CAMTA1: variants seen among roughly 807,000 people sequenced by gnomAD.
The protein encoded by CAMTA1 is calmodulin-binding transcription activator 1.
A neutral mutation model predicts 170.9 loss-of-function variants in CAMTA1; 27 were observed. The observed-to-expected ratio is 0.16, with a 90% CI of 0.12 to 0.22. The LOEUF (loss-of-function observed/expected upper bound fraction) is 0.22, where lower values mean the gene tolerates loss of function less well. CAMTA1 is among the 10% of genes least tolerant of loss of function. The pLI is 1.00. For missense variants in CAMTA1, 1,619 were observed against 2,217.2 expected (o/e 0.73, Z 5.42); for synonymous variants, 833 against 891.5 (o/e 0.93, Z 1.17).
intron 5 of CAMTA1, among the ~76,000 whole-genome samples, chr1:7,384,125 G>A (rs74967667): frequency 6.6e-6 from 1 of 152,218 alleles, no homozygotes; most frequent in Non-Finnish European, 1.5e-5. Context: ...GGCTTCTCTT[G>A]CAGGAAATAC....
At chr1:6,910,930 C>T (rs575102953) in intron 3 of CAMTA1, among the ~76,000 whole-genome samples, 21 of 152,282 alleles carry the variant, frequency 1.4e-4, no homozygotes, top group African/African-American at 2.6e-4. Flanking sequence ...ATGGAAGTGG[C>T]GGGCAAGGAG....
intron 5 of CAMTA1, among the ~76,000 whole-genome samples, chr1:7,412,142 T>A (rs1557671810): frequency 6.6e-6 from 1 of 152,240 alleles, no homozygotes; most frequent in Non-Finnish European, 1.5e-5. Flanking sequence ...CCACATTTTC[T>A]TACTCCAGTC....
chr1:7,428,876 A>T (rs1393514605), intron 5 of CAMTA1, among the ~76,000 whole-genome samples: 1 of 152,120 alleles, frequency 6.6e-6, no homozygotes, highest in East Asian at 1.9e-4. Context: ...GCACCACTGT[A>T]AGGGCTCAGT....
At chr1:7,726,464 T>TTGA (rs3034110) in intron 11 of CAMTA1, among the ~76,000 whole-genome samples, 47,648 of 151,932 alleles carry the variant, frequency 0.31, 7,598 homozygotes, top group South Asian at 0.45. Context: ...GAGGTTTGTA[T>TTGA]TGATACCTAG....
chr1:7,392,484 A>G (rs150385925), intron 5 of CAMTA1, among the ~76,000 whole-genome samples: 1,583 of 146,614 alleles, frequency 0.011, 31 homozygotes, highest in African/African-American at 0.037. Flanking sequence ...CGAACTCCCA[A>G]CCTCAGGTGA....
At chr1:7,254,240 G>A (rs1319668802) in intron 5 of CAMTA1, among the ~76,000 whole-genome samples, 1 of 152,186 alleles carries the variant, frequency 6.6e-6, no homozygotes, top group Non-Finnish European at 1.5e-5. Flanking sequence ...TCCAGACCAG[G>A]TCTTATCCTC....
chr1:7,049,707 C>T (rs1282323246), intron 3 of CAMTA1, among the ~76,000 whole-genome samples: 4 of 152,212 alleles, frequency 2.6e-5, no homozygotes, highest in Non-Finnish European at 5.9e-5. Flanking sequence ...ATCCACCCGC[C>T]TTGGCCTCCC....
At chr1:7,521,737 C>T (rs1415750214) in intron 6 of CAMTA1, among the ~76,000 whole-genome samples, 5 of 152,258 alleles carry the variant, frequency 3.3e-5, no homozygotes, top group South Asian at 2.1e-4. Context: ...TTAGTAGAGA[C>T]GGAGTTTCAC....
chr1:7,086,745 C>T (rs1267915191), intron 3 of CAMTA1, among the ~76,000 whole-genome samples: 2 of 152,216 alleles, frequency 1.3e-5, no homozygotes, highest in African/African-American at 2.4e-5. Context: ...GTATTAGAAC[C>T]TCATTCCTTT....
At chr1:6,847,850 C>T (rs1032438148) in intron 3 of CAMTA1, among the ~76,000 whole-genome samples, 2 of 150,752 alleles carry the variant, frequency 1.3e-5, no homozygotes, top group Non-Finnish European at 3.0e-5. Flanking sequence ...ATTACAGGCA[C>T]GCATGTGGCA....
chr1:7,433,879 G>T (rs1354000470), intron 5 of CAMTA1, among the ~76,000 whole-genome samples: 2 of 152,146 alleles, frequency 1.3e-5, no homozygotes, highest in East Asian at 3.9e-4. Flanking sequence ...ATGGGGCCAG[G>T]ACAGCAGTAG....
intron 1 of CAMTA1, among the ~76,000 whole-genome samples, chr1:6,799,727 C>T (rs1553148052): frequency 1.3e-5 from 2 of 152,040 alleles, no homozygotes; most frequent in East Asian, 1.9e-4. Flanking sequence ...AATGATAAAA[C>T]AGAACAGTTG....
intron 5 of CAMTA1, among the ~76,000 whole-genome samples, chr1:7,287,808 A>G (rs766396303): frequency 6.6e-6 from 1 of 152,142 alleles, no homozygotes; most frequent in African/African-American, 2.4e-5. Flanking sequence ...GTGTGGCTCC[A>G]CCATCCTAGA....
At chr1:7,500,738 C>CCGG (rs2093992635) in intron 6 of CAMTA1, among the ~76,000 whole-genome samples, 2 of 152,056 alleles carry the variant, frequency 1.3e-5, no homozygotes, top group Admixed American at 1.3e-4. Flanking sequence ...GGAGGGAGGG[C>CCGG]CGGTGTTCCC....
intron 3 of CAMTA1, among the ~76,000 whole-genome samples, chr1:6,901,883 TA>T (rs758121244): frequency 2.0e-4 from 31 of 151,940 alleles, no homozygotes; most frequent in Non-Finnish European, 4.4e-4. Context: ...CCGTCTCTAC[TA>T]AAAGTACAAA....
intron 3 of CAMTA1, among the ~76,000 whole-genome samples, chr1:6,968,667 C>T (rs945615789): frequency 9.9e-5 from 15 of 152,076 alleles, no homozygotes; most frequent in East Asian, 3.9e-4. Context: ...TCATCCATTC[C>T]CGGTGGGTCA....
At chr1:7,105,299 A>C (rs1264515092) in intron 4 of CAMTA1, among the ~76,000 whole-genome samples, 1 of 152,240 alleles carries the variant, frequency 6.6e-6, no homozygotes, top group African/African-American at 2.4e-5. Context: ...TGTGTTTTGG[A>C]ATTAATTTAC....
At position 7,371,730 on chromosome 1, in the gene CAMTA1, A is replaced by G. The variant is rs76239935; in HGVS notation, c.439-96100A>G. ...GCAGAAATCTGCCCACATCCCCGACATTCATTTGACAGATGAACCCGTTTC... is the reference window on the plus strand; with the variant it reads ...GCAGAAATCTGCCCACATCCCCGACGTTCATTTGACAGATGAACCCGTTTC... On this transcript the variant is annotated intron_variant, in intron 5 of 22. Transcript: ENST00000303635. 7.1e-4 allele frequency among the ~76,000 whole-genome samples: 108 copies of G among 152,332 alleles called. 3 individuals carry two copies. The East Asian group carries it at 0.019, about 27-fold the overall frequency.
At chr1:6,980,888 A>G (rs1028188026) in intron 3 of CAMTA1, among the ~76,000 whole-genome samples, 4 of 152,180 alleles carry the variant, frequency 2.6e-5, no homozygotes, top group Non-Finnish European at 5.9e-5. Context: ...AGAACAGACT[A>G]ATACACACAG....
Sources: gnomAD v4.1 joint callset for allele counts (sites outside exome capture counted in the v4.1 genomes callset) on GRCh38, gnomAD v4.1.1 for gene constraint, MANE v1.5 for transcripts, NCBI Gene and HGNC (gene_info 2026-07-23, HGNC 2026-07-21) for gene names.